FOXP2: variants seen among roughly 807,000 people sequenced by gnomAD.
FOXP2 encodes forkhead box P2, also known as forkhead box protein P2.
A neutral mutation model predicts 115.8 loss-of-function variants in FOXP2; 12 were observed. The observed-to-expected ratio is 0.10, with a 90% CI of 0.07 to 0.17. FOXP2 has a LOEUF of 0.17. Ranked by LOEUF, FOXP2 falls within the 10% of genes least tolerant of loss-of-function variation. The pLI is 1.00. For synonymous variants in FOXP2, 328 were observed against 297.7 expected (o/e 1.10, Z -1.05); for missense variants, 629 against 843.5 (o/e 0.75, Z 3.15).
intron 1 of FOXP2, among the ~76,000 whole-genome samples, chr7:114,138,378 C>G (rs973458086): frequency 2.7e-5 from 4 of 147,006 alleles, no homozygotes; most frequent in Non-Finnish European, 6.0e-5. Flanking sequence ...CCCACAACAA[C>G]TCTATAAGCC....
intron 3 of FOXP2, among the ~76,000 whole-genome samples, chr7:114,558,892 G>T (rs966889200): frequency 1.3e-5 from 2 of 152,054 alleles, no homozygotes; most frequent in African/African-American, 2.4e-5. Context: ...TTAACCTAGT[G>T]GTTGGTGTTC....
intron 1 of FOXP2, among the ~76,000 whole-genome samples, chr7:114,272,415 C>A (rs947797272): frequency 2.6e-5 from 4 of 151,690 alleles, no homozygotes; most frequent in African/African-American, 9.7e-5. Flanking sequence ...GGAAGTATTT[C>A]TCCCACTTCT....
intron 1 of FOXP2, among the ~76,000 whole-genome samples, chr7:114,231,264 TTAGAAGAATAAATGTTAAAA>T (rs1794869544): frequency 1.3e-5 from 2 of 152,062 alleles, no homozygotes; most frequent in African/African-American, 4.8e-5. Flanking sequence ...TTTTTATGGA[TTAGAAGAATAAATGTTAAAA>T]TATCAACACC....
At chr7:114,521,836 T>A (rs1798642268) in intron 2 of FOXP2, among the ~76,000 whole-genome samples, 2 of 152,134 alleles carry the variant, frequency 1.3e-5, no homozygotes, top group Non-Finnish European at 2.9e-5. Context: ...AGTGTAAAGG[T>A]CTGTAAAGGA....
intron 2 of FOXP2, among the ~76,000 whole-genome samples, chr7:114,516,347 G>A (rs1432374055): frequency 1.3e-5 from 2 of 152,082 alleles, no homozygotes; most frequent in African/African-American, 4.8e-5. Flanking sequence ...TGGGAAAACT[G>A]GCTAGCCATA....
intron 3 of FOXP2, among the ~76,000 whole-genome samples, chr7:114,541,926 G>A (rs1799683870): frequency 6.6e-6 from 1 of 151,918 alleles, no homozygotes; most frequent in South Asian, 2.1e-4. Flanking sequence ...GACTTAGGCT[G>A]TGAATTTTAT....
At chr7:114,689,151 T>C (rs1005429885) in intron 16 of FOXP2, among the ~76,000 whole-genome samples, 1 of 152,118 alleles carries the variant, frequency 6.6e-6, no homozygotes, top group Non-Finnish European at 1.5e-5. Context: ...GGCTGGTGTA[T>C]TCATGACAAA....
chr7:114,410,661 A>G (rs1443341953), upstream of FOXP2, among the ~76,000 whole-genome samples: 2 of 152,108 alleles, frequency 1.3e-5, no homozygotes, highest in African/African-American at 2.4e-5. Context: ...ATCACTGTGT[A>G]TAGATGAGGA....
At chr7:114,488,498 T>A (rs1796894418) in intron 2 of FOXP2, among the ~76,000 whole-genome samples, 1 of 152,296 alleles carries the variant, frequency 6.6e-6, no homozygotes, top group Non-Finnish European at 1.5e-5. Context: ...AAACTCAGGT[T>A]TTTGAGATAA....
intron 2 of FOXP2, among the ~76,000 whole-genome samples, chr7:114,300,099 A>G (rs1054321107): frequency 6.6e-6 from 1 of 151,914 alleles, no homozygotes; most frequent in Non-Finnish European, 1.5e-5. Context: ...GATTTTTGAT[A>G]GGAAATGGAA....
intron 16 of FOXP2, among the ~76,000 whole-genome samples, chr7:114,688,305 A>G (rs1384391770): frequency 6.6e-6 from 1 of 151,596 alleles, no homozygotes; most frequent in Non-Finnish European, 1.5e-5. Context: ...AAACTAGCTA[A>G]AAAACGTATA....
intron 2 of FOXP2, among the ~76,000 whole-genome samples, chr7:114,489,531 T>C (rs1376947384): frequency 2.0e-5 from 3 of 151,832 alleles, no homozygotes; most frequent in African/African-American, 7.2e-5. Context: ...ATTCTTCTGC[T>C]TGAATGAATT....
At chr7:114,515,580 G>T (rs1353340606) in intron 2 of FOXP2, among the ~76,000 whole-genome samples, 1 of 151,778 alleles carries the variant, frequency 6.6e-6, no homozygotes, top group Admixed American at 6.6e-5. Context: ...TTTTTTTCTT[G>T]TAAATTTGTT....
At chr7:114,570,803 C>A in intron 3 of FOXP2, 1 of 1,610,500 alleles carries the variant, frequency 6.2e-7, no homozygotes, top group Non-Finnish European at 8.5e-7. Context: ...TTTGTTTAAC[C>A]TAGGAATTGC....
At chr7:114,554,034 C>T (rs1448133423) in intron 3 of FOXP2, among the ~76,000 whole-genome samples, 1 of 151,950 alleles carries the variant, frequency 6.6e-6, no homozygotes, top group African/African-American at 2.4e-5. Flanking sequence ...AAATAAAAAT[C>T]TCTATTATTA....
At chr7:114,268,813 A>G (rs1162814037) in intron 1 of FOXP2, among the ~76,000 whole-genome samples, 3 of 152,134 alleles carry the variant, frequency 2.0e-5, no homozygotes, top group Non-Finnish European at 4.4e-5. Context: ...CATGAAAAAG[A>G]AAGTTTTGCT....
chr7:114,448,521 A>G (rs1295974640), intron 2 of FOXP2, among the ~76,000 whole-genome samples: 1 of 152,176 alleles, frequency 6.6e-6, no homozygotes, highest in Non-Finnish European at 1.5e-5. Context: ...TGAAATTTAA[A>G]GTTAAGTTAA....
chr7:114,523,529 TG>T (rs1798721488), intron 2 of FOXP2, among the ~76,000 whole-genome samples: 1 of 152,262 alleles, frequency 6.6e-6, no homozygotes, highest in Admixed American at 6.5e-5. Context: ...TCATAATCTT[TG>T]TCTTGGGGTT....
At chr7:114,118,419 G>A (rs1046528705) in intron 1 of FOXP2, among the ~76,000 whole-genome samples, 5 of 151,156 alleles carry the variant, frequency 3.3e-5, no homozygotes, top group Non-Finnish European at 5.9e-5. Context: ...AGTAAATGAC[G>A]GGTTATATAT....
Sources: allele counts gnomAD v4.1 joint callset (sites outside exome capture counted in the v4.1 genomes callset), GRCh38; gene constraint gnomAD v4.1.1; transcripts MANE v1.5; gene names NCBI Gene and HGNC (gene_info 2026-07-23, HGNC 2026-07-21).